The following DYM variants were observed in gnomAD, a reference collection of about 807,000 sequenced individuals.
The protein encoded by DYM is dyggve-Melchior-Clausen syndrome protein.
DYM carries 78 observed loss-of-function variants against 93.1 expected under a neutral mutation model. That is an observed-to-expected ratio of 0.84 (90% CI 0.70 to 1.01). DYM has a LOEUF of 1.01. DYM is among the 50% of genes least tolerant of loss of function. The pLI, the probability that DYM is intolerant of heterozygous loss-of-function variation, is 0.00. For missense variants in DYM, 789 were observed against 845.0 expected, an observed-to-expected ratio of 0.93 and a Z score of 0.82; for synonymous variants, 321 against 319.7, an observed-to-expected ratio of 1.00 and a Z score of -0.04.
chr18:49,426,736 A>G (rs188209015), intron 2 of DYM, among the ~76,000 whole-genome samples: 18 of 141,434 alleles, frequency 1.3e-4, no homozygotes, highest in Admixed American at 3.8e-4. Context: ...AACGACTGCT[A>G]TTAGTCACAC....
intron 15 of DYM, among the ~76,000 whole-genome samples, chr18:49,137,087 C>A (rs1342775870): frequency 6.6e-6 from 1 of 152,174 alleles, no homozygotes; most frequent in Non-Finnish European, 1.5e-5. Context: ...ATGTGTGGAC[C>A]TTGTAACATT....
intron 13 of DYM, among the ~76,000 whole-genome samples, chr18:49,217,933 T>C (rs1398039928): frequency 6.6e-6 from 1 of 152,198 alleles, no homozygotes; most frequent in Non-Finnish European, 1.5e-5. Context: ...ATGGACTAAA[T>C]GCTCCAATTA....
intron 6 of DYM, among the ~76,000 whole-genome samples, chr18:49,340,004 G>T (rs2063980610): frequency 6.6e-6 from 1 of 152,136 alleles, no homozygotes; most frequent in Non-Finnish European, 1.5e-5. Flanking sequence ...AGGCTGGAGT[G>T]CAGTGGCGCC....
chr18:49,293,403 C>T lies in DYM; in HGVS notation c.764-6787G>A, dbSNP rs569030747. 4.6e-5 allele frequency among the ~76,000 whole-genome samples: 7 copies of T among 152,346 alleles called. No homozygotes were observed. The South Asian group carries it at 1.2e-3, about 27-fold the overall frequency. On this transcript the variant is annotated intron_variant, in intron 8 of 17. Transcript: ENST00000675505. ...TCTAGATCCTTGAGGAATCACCACA[C>T]TGTCTTCCACAATGGCTGAACTAAT... is the stretch of plus-strand genomic sequence containing the variant.
intron 1 of DYM, among the ~76,000 whole-genome samples, chr18:49,456,949 T>A (rs933918030): frequency 6.6e-6 from 1 of 152,132 alleles, no homozygotes; most frequent in Admixed American, 6.5e-5. Context: ...GACAGCTAAG[T>A]AGGAAAGTGA....
chr18:49,409,347 T>A (rs528043578), intron 2 of DYM, among the ~76,000 whole-genome samples: 12 of 150,904 alleles, frequency 8.0e-5, no homozygotes, highest in Non-Finnish European at 1.6e-4. Context: ...AAATTCTGGA[T>A]TATATTTGTT....
chr18:49,318,696 A>G (rs1177148972), intron 8 of DYM, among the ~76,000 whole-genome samples: 5 of 152,116 alleles, frequency 3.3e-5, no homozygotes, highest in Non-Finnish European at 7.4e-5. Flanking sequence ...TATTTAAGAA[A>G]TTATCTTGAA....
At chr18:49,203,939 C>T (rs2092328257) in intron 14 of DYM, among the ~76,000 whole-genome samples, 1 of 1,328 alleles carries the variant, frequency 7.5e-4, no homozygotes, top group Non-Finnish European at 0.019. Flanking sequence ...AGAGCTGCCA[C>T]ATTAGCTCTA....
intron 10 of DYM, among the ~76,000 whole-genome samples, chr18:49,273,051 T>A (rs189678328): frequency 6.6e-6 from 1 of 151,846 alleles, no homozygotes; most frequent in Non-Finnish European, 1.5e-5. Flanking sequence ...AGACAACACA[T>A]GTAATGAGCA....
At chr18:49,383,010 G>C (rs901756298) in intron 3 of DYM, among the ~76,000 whole-genome samples, 7 of 152,194 alleles carry the variant, frequency 4.6e-5, no homozygotes, top group Admixed American at 3.3e-4. Context: ...ATACAGAGGA[G>C]AGAGGACAAG....
chr18:49,287,585 T>C (rs2059743880), intron 8 of DYM, among the ~76,000 whole-genome samples: 1 of 151,882 alleles, frequency 6.6e-6, no homozygotes, highest in Admixed American at 6.6e-5. Flanking sequence ...TCTGGTCCAC[T>C]TAGAAATGCG....
rs2070853216 is a variant in DYM at position 49,040,102 on chromosome 18, A to G, written c.*3953T>C. The G allele has an allele frequency of 6.6e-6, 1 of 152,230 alleles. No homozygotes were observed. Among genetic ancestry groups the G allele is most frequent in the African/African-American group, 2.4e-5 (1 of 41,454 alleles). 9.4% of individuals were successfully genotyped at this position (152,230 alleles called of 1,614,324 possible). On this transcript the variant is annotated 3_prime_UTR_variant, in exon 18 of 18. Coordinates refer to ENST00000675505, the MANE Select transcript of DYM (RefSeq NM_001353214.3). The stretch of plus-strand genomic sequence containing the variant: ...GGTGGTTTAGAAGTTGAACTGCACT[A>G]CCCATGAGGGATAGTCCAATGACAG...
intron 14 of DYM, among the ~76,000 whole-genome samples, chr18:49,188,434 G>A (rs2090653727): frequency 6.6e-6 from 1 of 152,120 alleles, no homozygotes; most frequent in African/African-American, 2.4e-5. Context: ...AGGAAAATGG[G>A]CCTCTAAGAT....
chr18:49,374,872 T>A (rs917308707), intron 5 of DYM, among the ~76,000 whole-genome samples: 1 of 151,650 alleles, frequency 6.6e-6, no homozygotes, highest in African/African-American at 2.4e-5. Flanking sequence ...GGTAGGAGAA[T>A]CACCTGAACC....
rs76352169 is a variant in DYM, at chr18:49,109,551, G to A, written c.1911+9193C>T. Among the ~76,000 whole-genome samples the A allele has an allele frequency of 3.9e-3, 588 of 152,260 alleles. 3 individuals carry two copies. Among genetic ancestry groups the A allele is most frequent in the African/African-American group, 0.014 (573 of 41,556 alleles). On this transcript the variant is annotated intron_variant, in intron 16 of 17. Transcript: ENST00000675505. Reference sequence around the variant, plus strand: ...CAAGTTATCCAGTCTATAGTTCATGGATCCTGGAAGAAGAGATATTTCTGG... The same window carrying A: ...CAAGTTATCCAGTCTATAGTTCATGAATCCTGGAAGAAGAGATATTTCTGG...
chr18:49,178,330 C>G (rs2089595876), intron 14 of DYM, among the ~76,000 whole-genome samples: 1 of 152,058 alleles, frequency 6.6e-6, no homozygotes. Context: ...AAGGAGCAAA[C>G]TCAGAATTCC....
intron 8 of DYM, among the ~76,000 whole-genome samples, chr18:49,306,744 AG>A (rs1370667112): frequency 6.6e-6 from 1 of 152,202 alleles, no homozygotes; most frequent in Admixed American, 6.5e-5. Flanking sequence ...CTAAAGACTA[AG>A]CTTAAAGAGC....
intron 13 of DYM, among the ~76,000 whole-genome samples, chr18:49,234,841 C>T (rs2093812917): frequency 6.6e-6 from 1 of 152,096 alleles, no homozygotes; most frequent in Admixed American, 6.5e-5. Context: ...AGACATGTGG[C>T]AGAAGTCAGA....
Position 49,348,156 on chromosome 18 carries a change from A to G in DYM, c.495-14303T>C, listed in dbSNP as rs2064768869. 2.0e-5 allele frequency among the ~76,000 whole-genome samples: 3 copies of G among 152,162 alleles called. No individual in the cohort carries two copies. The South Asian group carries it at 6.2e-4, about 32-fold the overall frequency. On this transcript the variant is annotated intron_variant, in intron 6 of 17. Transcript: ENST00000675505. The stretch of plus-strand genomic sequence containing the variant: ...TAAGAGCAGTCAACGAATACAGAGG[A>G]AAAAAACATCCTCCTTTTACTTACT...
Sources: gnomAD v4.1 joint callset for allele counts (sites outside exome capture counted in the v4.1 genomes callset) on GRCh38, gnomAD v4.1.1 for gene constraint, MANE v1.5 for transcripts, NCBI Gene and HGNC (gene_info 2026-07-23, HGNC 2026-07-21) for gene names.